Variants in GPR158 observed in about 807,000 individuals in gnomAD.
GPR158 encodes G protein-coupled receptor 158, also known as metabotropic glycine receptor.
Under a neutral mutation model 78.2 loss-of-function variants are expected in GPR158, and 30 were observed. That is an observed-to-expected ratio of 0.38 (90% CI 0.29 to 0.52). The LOEUF is 0.52. Ranked by LOEUF, GPR158 falls within the 20% of genes least tolerant of loss-of-function variation. The pLI is 0.83. For synonymous variants in GPR158, 581 were observed against 591.1 expected (o/e 0.98, Z 0.25); for missense variants, 1,463 against 1,523.5 (o/e 0.96, Z 0.66).
chr10:25,459,253 T>C (rs1835327961), intron 4 of GPR158, among the ~76,000 whole-genome samples: 1 of 152,182 alleles, frequency 6.6e-6, no homozygotes, highest in Non-Finnish European at 1.5e-5. Context: ...AATAAAAAAG[T>C]ACAGCTCATA....
chr10:25,414,723 T>C (rs1834636040), intron 4 of GPR158, among the ~76,000 whole-genome samples: 1 of 152,152 alleles, frequency 6.6e-6, no homozygotes, highest in African/African-American at 2.4e-5. Context: ...ATGATCTCTT[T>C]TGTAGCAATA....
At chr10:25,501,303 G>A (rs1338377614) in intron 5 of GPR158, among the ~76,000 whole-genome samples, 1 of 152,148 alleles carries the variant, frequency 6.6e-6, no homozygotes, top group East Asian at 1.9e-4. Flanking sequence ...CATCCTTCAA[G>A]TCTCAGCTTA....
chr10:25,558,382 A>C (rs965633277), intron 6 of GPR158, among the ~76,000 whole-genome samples: 3 of 152,212 alleles, frequency 2.0e-5, no homozygotes, highest in Non-Finnish European at 4.4e-5. Context: ...TCAAGTGGAA[A>C]TATTTCTTTT....
At chr10:25,387,094 T>C (rs1834231531) in intron 2 of GPR158, among the ~76,000 whole-genome samples, 1 of 152,226 alleles carries the variant, frequency 6.6e-6, no homozygotes, top group Non-Finnish European at 1.5e-5. Context: ...CCATTGAGTA[T>C]GATGTTATCT....
intron 2 of GPR158, among the ~76,000 whole-genome samples, chr10:25,309,632 G>A (rs763443941): frequency 1.3e-5 from 2 of 151,940 alleles, no homozygotes; most frequent in African/African-American, 2.4e-5. Context: ...ATCTAATCTT[G>A]AATTGTAGCA....
Position 25,175,935 on chromosome 10 carries a change from C to G in GPR158, c.515C>G (p.Ser172Cys). Residue 172 changes from serine to cysteine, a missense_variant, in exon 1 of 11, where the codon TCC becomes TGC. By Grantham distance (112) the Ser-to-Cys change is moderately radical. Coordinates refer to ENST00000376351, the MANE Select transcript of GPR158 (RefSeq NM_020752.3). The surrounding 1 kb of genome is among the most constrained non-coding windows in gnomAD (Gnocchi z 6.4). ...WSLLEGEPSI[S>C]RAAITFSTDS... is the part of the protein sequence containing the mutation. ...CTTCTGGAGGGCGAGCCCAGCATCTCCCGGGCGGCCATCACCTTCAGCACC... is the reference window on the plus strand; with the variant it reads ...CTTCTGGAGGGCGAGCCCAGCATCTGCCGGGCGGCCATCACCTTCAGCACC... 1 of 1,613,558 alleles carries G rather than the reference C, an allele frequency of 6.2e-7. No homozygotes were observed. The highest frequency in any genetic ancestry group is 1.1e-5 in the South Asian group (1 of 91,080).
chr10:25,563,187 G>A (rs558022911), intron 6 of GPR158, among the ~76,000 whole-genome samples: 4 of 151,964 alleles, frequency 2.6e-5, no homozygotes, highest in African/African-American at 9.6e-5. Context: ...AAAACATATA[G>A]TTGGATCATC....
intron 5 of GPR158, chr10:25,476,076 A>G (rs1269830376): frequency 6.6e-6 from 1 of 152,132 alleles, no homozygotes; most frequent in Non-Finnish European, 1.5e-5. Context: ...ATCTGACTAA[A>G]TTTAGCATTG....
intron 7 of GPR158, among the ~76,000 whole-genome samples, chr10:25,586,482 A>T (rs925304939): frequency 1.6e-4 from 22 of 141,006 alleles, no homozygotes; most frequent in Non-Finnish European, 3.3e-4. Context: ...CAGCTCACTG[A>T]GGCCTCCACC....
intron 2 of GPR158, among the ~76,000 whole-genome samples, chr10:25,327,682 A>G (rs1341286246): frequency 2.0e-5 from 3 of 152,212 alleles, no homozygotes; most frequent in Non-Finnish European, 4.4e-5. Flanking sequence ...AACTGCTACT[A>G]TTGATAGGAC....
rs1855274519 is a variant in GPR158, at chr10:25,339,627, G to A, written c.1009-56284G>A. On this transcript the variant is annotated intron_variant, in intron 2 of 10. Coordinates refer to ENST00000376351, the MANE Select transcript of GPR158 (RefSeq NM_020752.3). ...TAAATATTTCAACATTGATTATGAT[G>A]CTTGCTGAAGGTTTTTGTAGATAAT... Among the ~76,000 whole-genome samples the A allele has an allele frequency of 2.0e-5, 3 of 152,148 alleles. No homozygotes were observed. The South Asian group carries it at 6.2e-4, about 32-fold the overall frequency.
chr10:25,598,691 A>C lies in GPR158; in HGVS notation c.3065A>C (p.Glu1022Ala). The part of the protein sequence containing the change: ...YDLTPGPVPS[E>A]SKVQKHVSIV... Reference sequence around the variant, plus strand: ...CTGACCCCTGGTCCTGTGCCTTCAGAATCAAAAGTTCAAAAGCACGTATCT... The same window carrying C: ...CTGACCCCTGGTCCTGTGCCTTCAGCATCAAAAGTTCAAAAGCACGTATCT... Residue 1022 changes from glutamate to alanine, a missense_variant, in exon 11 of 11, where the codon GAA becomes GCA. Physicochemically the swap from Glu to Ala is moderately radical, Grantham distance 107. Coordinates refer to ENST00000376351, the MANE Select transcript of GPR158 (RefSeq NM_020752.3). 2 of 1,613,954 alleles carry C rather than the reference A, an allele frequency of 1.2e-6. No homozygotes were observed. The highest frequency in any genetic ancestry group is 1.7e-6 in the Non-Finnish European group (2 of 1,179,982).
intron 1 of GPR158, among the ~76,000 whole-genome samples, chr10:25,202,238 A>C (rs1294423872): frequency 6.6e-6 from 1 of 151,856 alleles, no homozygotes; most frequent in Admixed American, 6.6e-5. Flanking sequence ...GGGAGGCTGT[A>C]TGTCTCTAGG....
At chr10:25,324,410 G>C (rs112601132) in intron 2 of GPR158, among the ~76,000 whole-genome samples, 2,332 of 152,278 alleles carry the variant, frequency 0.015, 67 homozygotes, top group African/African-American at 0.053. Flanking sequence ...GAAGAGATAT[G>C]GGAGAACAGC....
intron 5 of GPR158, among the ~76,000 whole-genome samples, chr10:25,526,654 G>A (rs1262109566): frequency 6.6e-6 from 1 of 152,196 alleles, no homozygotes; most frequent in African/African-American, 2.4e-5. Context: ...GATAAACTTG[G>A]AAAGAGGCTT....
chr10:25,234,854 G>A (rs1853499898), intron 2 of GPR158, among the ~76,000 whole-genome samples: 1 of 152,220 alleles, frequency 6.6e-6, no homozygotes, highest in Admixed American at 6.5e-5. Context: ...GTAGCAGATT[G>A]TGAATTCAGT....
At chr10:25,364,631 C>A (rs1855692642) in intron 2 of GPR158, among the ~76,000 whole-genome samples, 1 of 151,774 alleles carries the variant, frequency 6.6e-6, no homozygotes, top group Admixed American at 6.6e-5. Flanking sequence ...TTAAGAGTTT[C>A]TCAGTGTTCC....
At chr10:25,422,933 T>A (rs114404394) in intron 4 of GPR158, among the ~76,000 whole-genome samples, 2,262 of 147,506 alleles carry the variant, frequency 0.015, 65 homozygotes, top group African/African-American at 0.053. Flanking sequence ...AGCTCCCAGT[T>A]ATGAGTGAGA....
chr10:25,316,933 G>GTA (rs35117291), intron 2 of GPR158, among the ~76,000 whole-genome samples: 89,236 of 148,614 alleles, frequency 0.6, 28,520 homozygotes, highest in Non-Finnish European at 0.75. Flanking sequence ...GTATGTGTGT[G>GTA]TATATATATA....
Sources: allele counts gnomAD v4.1 joint callset (sites outside exome capture counted in the v4.1 genomes callset), GRCh38; gene constraint gnomAD v4.1.1; non-coding constraint Gnocchi (gnomAD v3.1); transcripts MANE v1.5; gene names NCBI Gene and HGNC (gene_info 2026-07-23, HGNC 2026-07-21).